Variants in CLSTN2 observed in about 807,000 individuals in gnomAD.
CLSTN2 encodes calsyntenin 2.
In CLSTN2, 48 loss-of-function variants were observed where a neutral mutation model predicts 101.2. That is an observed-to-expected ratio of 0.47 (90% CI 0.38 to 0.60). CLSTN2 has a LOEUF of 0.60. Among genes scored for constraint, CLSTN2 ranks in the 20% least tolerant of loss-of-function variants. The pLI, the probability that CLSTN2 is intolerant of heterozygous loss-of-function variation, is 0.00. For missense variants in CLSTN2, 1,160 were observed against 1,238.2 expected, an observed-to-expected ratio of 0.94 and a Z score of 0.95; for synonymous variants, 481 against 463.6, an observed-to-expected ratio of 1.04 and a Z score of -0.48.
At chr3:140,384,549 C>T (rs2088029536) in intron 2 of CLSTN2, among the ~76,000 whole-genome samples, 1 of 152,070 alleles carries the variant, frequency 6.6e-6, no homozygotes, top group Non-Finnish European at 1.5e-5. Context: ...TGAGAGGTGC[C>T]CAGGGGTCGC....
At chr3:140,428,423 T>C (rs1401639289) in intron 5 of CLSTN2, among the ~76,000 whole-genome samples, 1 of 152,206 alleles carries the variant, frequency 6.6e-6, no homozygotes. Context: ...GCAAAATTAT[T>C]CCCCTTTGAA....
intron 2 of CLSTN2, among the ~76,000 whole-genome samples, chr3:140,186,967 G>A (rs968292378): frequency 3.3e-5 from 5 of 151,938 alleles, no homozygotes; most frequent in East Asian, 1.9e-4. Flanking sequence ...AGAGGCACAT[G>A]AGCAAATGGC....
intron 1 of CLSTN2, among the ~76,000 whole-genome samples, chr3:140,044,235 G>C (rs1026893882): frequency 7.2e-5 from 11 of 152,252 alleles, no homozygotes; most frequent in African/African-American, 2.6e-4. Context: ...TCCTTGAAGT[G>C]GTCCTTCACG....
chr3:140,544,380 A>T (rs10513122), intron 9 of CLSTN2, among the ~76,000 whole-genome samples: 1 of 152,152 alleles, frequency 6.6e-6, no homozygotes, highest in Non-Finnish European at 1.5e-5. Flanking sequence ...GGTGGCACAA[A>T]GGATAGAGAT....
intron 1 of CLSTN2, among the ~76,000 whole-genome samples, chr3:139,988,019 T>C (rs541615030): frequency 3.3e-5 from 5 of 152,306 alleles, no homozygotes; most frequent in South Asian, 2.1e-4. Flanking sequence ...TTATTTAGCA[T>C]TGGAAGACCA....
At chr3:140,032,639 A>G (rs1209848632) in intron 1 of CLSTN2, among the ~76,000 whole-genome samples, 2 of 152,030 alleles carry the variant, frequency 1.3e-5, no homozygotes, top group African/African-American at 4.8e-5. Context: ...GCCCAGCCAC[A>G]AGTACTTTTT....
In CLSTN2 at chr3:140,135,087, A is replaced by ACACACACAC. The variant is rs1553801553; in HGVS notation, c.110-40864_110-40863insCACACACAC. 3.4e-3 allele frequency among the ~76,000 whole-genome samples: 177 copies of ACACACACAC among 51,352 alleles called. 7 individuals are homozygous for ACACACACAC. The highest frequency in any genetic ancestry group is 8.0e-3 in the African/African-American group (148 of 18,560). 33.7% of individuals were successfully genotyped at this position (51,352 alleles called of 152,430 possible). A position where few individuals can be genotyped will look rare whatever the true frequency, so the allele number is the denominator to read the frequency against. On this transcript the variant is annotated intron_variant, in intron 1 of 16. Coordinates refer to ENST00000458420, the MANE Select transcript of CLSTN2 (RefSeq NM_022131.3). ...AGTCCAGGGTGATGCCTCTCAAAAA[A>ACACACACAC]ACACACACACACACACACACACACA...
intron 8 of CLSTN2, among the ~76,000 whole-genome samples, chr3:140,489,323 G>A (rs1270377874): frequency 6.6e-6 from 1 of 152,192 alleles, no homozygotes; most frequent in Admixed American, 6.5e-5. Flanking sequence ...CACTTGTTTT[G>A]TGTAGCTTTA....
chr3:139,950,857 A>G (rs1157415793), intron 1 of CLSTN2, among the ~76,000 whole-genome samples: 1 of 152,248 alleles, frequency 6.6e-6, no homozygotes, highest in Non-Finnish European at 1.5e-5. Flanking sequence ...AGTTCGCAGC[A>G]ACACCACGTG....
At position 140,076,625 on chromosome 3, in the gene CLSTN2, G is replaced by GTTTTTTTTTTTT. The variant is rs35645750; in HGVS notation, c.110-99309_110-99298dup. On this transcript the variant is annotated intron_variant, in intron 1 of 16. Coordinates refer to ENST00000458420, the MANE Select transcript of CLSTN2 (RefSeq NM_022131.3). Reference sequence around the variant, plus strand: ...CAATGACTCCCCTCTCACCAGCAGTGTTTTTTTTTTTTTTTTTTTTTTTTT... The same window carrying GTTTTTTTTTTTT: ...CAATGACTCCCCTCTCACCAGCAGTGTTTTTTTTTTTTTTTTTTTTTTTTTTTTTTTTTTTTT... Among the ~76,000 whole-genome samples the GTTTTTTTTTTTT allele has an allele frequency of 1.8e-3, 67 of 38,070 alleles. 13 individuals carry two copies. Among genetic ancestry groups the GTTTTTTTTTTTT allele is most frequent in the African/African-American group, 6.3e-3 (56 of 8,918 alleles). 25.0% of individuals were successfully genotyped at this position (38,070 alleles called of 152,430 possible). A position where few individuals can be genotyped will look rare whatever the true frequency, so the allele number is the denominator to read the frequency against.
chr3:140,051,206 A>G (rs967992035), intron 1 of CLSTN2, among the ~76,000 whole-genome samples: 12 of 152,212 alleles, frequency 7.9e-5, no homozygotes, highest in African/African-American at 2.9e-4. Flanking sequence ...TCTTTGGTAG[A>G]ACTGGGGTTT....
In CLSTN2 at chr3:139,991,553, A is replaced by G. The variant is rs147623065; in HGVS notation, c.109+56070A>G. On this transcript the variant is annotated intron_variant, in intron 1 of 16. Coordinates refer to ENST00000458420, the MANE Select transcript of CLSTN2 (RefSeq NM_022131.3). The stretch of plus-strand genomic sequence containing the variant: ...TCCCAAGAAGACATAGAGTGATGTT[A>G]AATTGCACTTTTAAAGGCCAGAGTT... 1.8e-3 allele frequency among the ~76,000 whole-genome samples: 268 copies of G among 152,372 alleles called. 1 individual carries two copies. Among genetic ancestry groups the G allele is most frequent in the African/African-American group, 6.0e-3 (248 of 41,584 alleles).
At chr3:140,525,229 C>T (rs1559894279) in intron 8 of CLSTN2, among the ~76,000 whole-genome samples, 1 of 151,970 alleles carries the variant, frequency 6.6e-6, no homozygotes, top group East Asian at 1.9e-4. Flanking sequence ...AGAGAAGATC[C>T]CAACAAACAA....
chr3:140,217,797 T>A (rs929373379), intron 2 of CLSTN2, among the ~76,000 whole-genome samples: 12 of 152,146 alleles, frequency 7.9e-5, no homozygotes, highest in African/African-American at 2.9e-4. Flanking sequence ...GGCAAGAAAA[T>A]GAAACTATTC....
At chr3:140,032,213 G>T (rs2007567612) in intron 1 of CLSTN2, among the ~76,000 whole-genome samples, 1 of 149,866 alleles carries the variant, frequency 6.7e-6, no homozygotes, top group Non-Finnish European at 1.5e-5. Context: ...AAATTAATTT[G>T]TTAAAAATGT....
chr3:140,426,791 TAA>T (rs2088568706), intron 5 of CLSTN2, among the ~76,000 whole-genome samples: 1 of 152,192 alleles, frequency 6.6e-6, no homozygotes, highest in Admixed American at 6.5e-5. Flanking sequence ...GTTTGAGTTC[TAA>T]GAGTACTGTT....
intron 8 of CLSTN2, among the ~76,000 whole-genome samples, chr3:140,476,747 C>A (rs944423701): frequency 2.6e-5 from 4 of 151,468 alleles, no homozygotes; most frequent in Non-Finnish European, 5.9e-5. Context: ...CAAGCTCCGC[C>A]TCCTGGGTTC....
At chr3:140,516,550 A>ATTTTTTTT (rs111255841) in intron 8 of CLSTN2, among the ~76,000 whole-genome samples, 1 of 142,798 alleles carries the variant, frequency 7.0e-6, no homozygotes, top group Non-Finnish European at 1.6e-5. Context: ...TTCTTTTGGC[A>ATTTTTTTT]TTTTTTTTTT....
At chr3:140,490,009 T>TATATATATATATAC (rs1559884815) in intron 8 of CLSTN2, among the ~76,000 whole-genome samples, 2 of 290 alleles carry the variant, frequency 6.9e-3, no homozygotes, top group Non-Finnish European at 0.014. Context: ...AAAAAAGAAG[T>TATATATATATATAC]ACATGTGTGT....
Sources: gnomAD v4.1 joint callset for allele counts (sites outside exome capture counted in the v4.1 genomes callset) on GRCh38, gnomAD v4.1.1 for gene constraint, MANE v1.5 for transcripts, NCBI Gene and HGNC (gene_info 2026-07-23, HGNC 2026-07-21) for gene names.